RAB27B: variants seen among roughly 807,000 people sequenced by gnomAD.
RAB27B encodes the protein ras-related protein Rab-27B.
In RAB27B, 15 loss-of-function variants were observed where a neutral mutation model predicts 24.6. The ratio of observed to expected loss-of-function variants is 0.61; its 90% CI spans 0.41 to 0.94. RAB27B has a LOEUF of 0.94. Among genes scored for constraint, RAB27B ranks in the 40% least tolerant of loss-of-function variants. RAB27B has a pLI of 0.00. For missense variants in RAB27B, 261 were observed against 266.8 expected (o/e 0.98, Z 0.15); for synonymous variants, 105 against 92.5 (o/e 1.14, Z -0.78).
chr18:54,870,821 A>T (rs933591267), intron 1 of RAB27B, among the ~76,000 whole-genome samples: 1 of 152,204 alleles, frequency 6.6e-6, no homozygotes, highest in Non-Finnish European at 1.5e-5. Context: ...TATTTATGAA[A>T]AAACATTATG....
At chr18:54,873,956 C>G (rs1912586994) in intron 1 of RAB27B, among the ~76,000 whole-genome samples, 1 of 152,208 alleles carries the variant, frequency 6.6e-6, no homozygotes, top group East Asian at 1.9e-4. Flanking sequence ...GTGTCCAGCA[C>G]CCTTCACTTA....
At chr18:54,731,722 A>G (rs1909739337) in intron 2 of RAB27B, among the ~76,000 whole-genome samples, 2 of 152,194 alleles carry the variant, frequency 1.3e-5, no homozygotes, top group South Asian at 4.1e-4. Flanking sequence ...TTAAGTATAC[A>G]TACACATTCT....
intron 2 of RAB27B, among the ~76,000 whole-genome samples, chr18:54,726,752 T>C (rs974044884): frequency 6.6e-6 from 1 of 151,644 alleles, no homozygotes; most frequent in Non-Finnish European, 1.5e-5. Flanking sequence ...TCAAATTGTG[T>C]CATTAATTTT....
intron 1 of RAB27B, among the ~76,000 whole-genome samples, chr18:54,865,660 C>A (rs1159804253): frequency 1.3e-5 from 2 of 152,142 alleles, no homozygotes; most frequent in Admixed American, 6.5e-5. Flanking sequence ...GATTTTAAGA[C>A]AAGTTAGCAT....
At chr18:54,761,378 T>C (rs781389997) in intron 2 of RAB27B, among the ~76,000 whole-genome samples, 104 of 152,348 alleles carry the variant, frequency 6.8e-4, no homozygotes, top group Non-Finnish European at 1.1e-3. Context: ...CATTTATTCA[T>C]CTCTGCCACA....
upstream of RAB27B, among the ~76,000 whole-genome samples, chr18:54,824,446 A>T (rs997755859): frequency 6.6e-6 from 1 of 152,196 alleles, no homozygotes; most frequent in Non-Finnish European, 1.5e-5. Flanking sequence ...TGGTAGTCCA[A>T]TGTGTGGCAG....
intron 2 of RAB27B, among the ~76,000 whole-genome samples, chr18:54,774,425 A>T (rs1333726997): frequency 6.6e-6 from 1 of 152,228 alleles, no homozygotes; most frequent in Non-Finnish European, 1.5e-5. Flanking sequence ...GCTCATAGAG[A>T]TAAAGTAACT....
chr18:54,846,036 G>T (rs1911322036), intron 1 of RAB27B, among the ~76,000 whole-genome samples: 1 of 152,192 alleles, frequency 6.6e-6, no homozygotes, highest in East Asian at 1.9e-4. Context: ...TCCTTTTCAT[G>T]ATTTATTTAA....
Position 54,891,472 on chromosome 18 carries a change from T to C in RAB27B, c.*2059T>C, listed in dbSNP as rs1034802370. The C allele has an allele frequency of 6.6e-5, 10 of 152,140 alleles. No homozygotes were observed. Among genetic ancestry groups the C allele is most frequent in the Non-Finnish European group, 1.5e-4 (10 of 68,012 alleles). The allele number at this position is 152,140 out of a possible 1,614,324, so 9.4% of individuals were successfully genotyped here. ...GAAAACTGTAAGCTAACATTTAAGA[T>C]GTTTCTTCTGGAAGGAAAGTGAGCA... On this transcript the variant is annotated 3_prime_UTR_variant, in exon 6 of 6. Coordinates refer to ENST00000262094, the MANE Select transcript of RAB27B (RefSeq NM_004163.4).
chr18:54,862,025 G>A (rs2145238853), intron 1 of RAB27B, among the ~76,000 whole-genome samples: 1 of 149,134 alleles, frequency 6.7e-6, no homozygotes, highest in Admixed American at 6.8e-5. Context: ...CCTAGCTGGA[G>A]TCCTGGCAGA....
At chr18:54,828,000 A>G (rs1910530105), upstream of RAB27B, among the ~76,000 whole-genome samples, 1 of 152,172 alleles carries the variant, frequency 6.6e-6, no homozygotes, top group Middle Eastern at 3.2e-3. Context: ...TTGGGAAGTG[A>G]ATTTGGATGT....
intron 2 of RAB27B, among the ~76,000 whole-genome samples, chr18:54,806,001 G>T (rs1429930055): frequency 6.6e-6 from 1 of 152,152 alleles, no homozygotes; most frequent in Non-Finnish European, 1.5e-5. Flanking sequence ...TCACTCAATT[G>T]TATAGCTTCT....
intron 2 of RAB27B, among the ~76,000 whole-genome samples, chr18:54,750,412 C>T (rs1486576705): frequency 6.6e-6 from 1 of 152,102 alleles, no homozygotes; most frequent in Non-Finnish European, 1.5e-5. Context: ...AGAAATTGGA[C>T]CTTCCTTCCT....
intron 2 of RAB27B, among the ~76,000 whole-genome samples, chr18:54,812,845 T>C (rs935919280): frequency 2.7e-5 from 4 of 150,628 alleles, no homozygotes; most frequent in Non-Finnish European, 4.4e-5. Flanking sequence ...CTGTACACAA[T>C]ATCTATACCA....
At chr18:54,771,590 TAGTGTGTGTG>T (rs1333730259) in intron 2 of RAB27B, among the ~76,000 whole-genome samples, 6 of 110,008 alleles carry the variant, frequency 5.5e-5, no homozygotes, top group African/African-American at 2.1e-4. Flanking sequence ...GCTGATAGTT[TAGTGTGTGTG>T]TGTGTGTGTG....
intron 2 of RAB27B, among the ~76,000 whole-genome samples, chr18:54,755,123 T>C (rs4547421): frequency 0.7 from 106,041 of 152,066 alleles, 37,608 homozygotes; most frequent in Non-Finnish European, 0.77. Flanking sequence ...GGCACAGTGG[T>C]TCACACCTGT....
chr18:54,752,143 G>T (rs781634679), intron 2 of RAB27B, among the ~76,000 whole-genome samples: 67 of 152,148 alleles, frequency 4.4e-4, no homozygotes, highest in Non-Finnish European at 8.8e-4. Flanking sequence ...TGAGGCAGTG[G>T]TGAACATGGT....
chr18:54,801,382 A>G (rs1480903050), intron 2 of RAB27B, among the ~76,000 whole-genome samples: 1 of 152,186 alleles, frequency 6.6e-6, no homozygotes, highest in Admixed American at 6.5e-5. Flanking sequence ...AAAAAAAACT[A>G]TAAAACTGAT....
intron 2 of RAB27B, among the ~76,000 whole-genome samples, chr18:54,741,642 C>T (rs1910075271): frequency 6.6e-6 from 1 of 152,032 alleles, no homozygotes; most frequent in South Asian, 2.1e-4. Context: ...TACAGGCATG[C>T]ACCACCATGC....
Sources: gnomAD v4.1 joint callset for allele counts (sites outside exome capture counted in the v4.1 genomes callset) on GRCh38, gnomAD v4.1.1 for gene constraint, MANE v1.5 for transcripts, NCBI Gene and HGNC (gene_info 2026-07-23, HGNC 2026-07-21) for gene names.